Variants in PTPRO observed in about 807,000 individuals in gnomAD.
PTPRO encodes receptor-type tyrosine-protein phosphatase O.
In PTPRO, 62 loss-of-function variants were observed where a neutral mutation model predicts 145.2. The observed-to-expected ratio is 0.43, with a 90% CI of 0.35 to 0.53. The LOEUF (loss-of-function observed/expected upper bound fraction) is 0.53. PTPRO is among the 20% of genes least tolerant of loss of function. The probability of loss-of-function intolerance (pLI) is 0.01; values close to 1 mark genes in which losing one functional copy is unlikely to be tolerated. For missense variants in PTPRO, 1,345 were observed against 1,482.7 expected (o/e 0.91, Z 1.53); for synonymous variants, 565 against 514.7 (o/e 1.10, Z -1.32).
intron 1 of PTPRO, among the ~76,000 whole-genome samples, chr12:15,437,997 T>C (rs1591811399): frequency 6.6e-6 from 1 of 152,276 alleles, no homozygotes; most frequent in South Asian, 2.1e-4. Flanking sequence ...TAAATACAGA[T>C]ACCAGCCACT....
chr12:15,568,686 C>CA (rs35191451), intron 18 of PTPRO, among the ~76,000 whole-genome samples: 6,881 of 151,820 alleles, frequency 0.045, 496 homozygotes, highest in African/African-American at 0.15. Context: ...TTCTTATTCT[C>CA]AAAAAAAAGT....
intron 1 of PTPRO, among the ~76,000 whole-genome samples, chr12:15,386,078 A>G (rs1023209295): frequency 1.2e-4 from 19 of 152,106 alleles, no homozygotes; most frequent in African/African-American, 4.6e-4. Flanking sequence ...AGATCTTTCT[A>G]GCACCCAAAG....
intron 15 of PTPRO, among the ~76,000 whole-genome samples, chr12:15,551,938 T>A (rs761050313): frequency 5.3e-5 from 8 of 151,974 alleles, no homozygotes; most frequent in Non-Finnish European, 1.2e-4. Context: ...AGCCCATATA[T>A]GGAGATCCAT....
At chr12:15,446,902 G>T (rs1021979157) in intron 1 of PTPRO, among the ~76,000 whole-genome samples, 4 of 152,116 alleles carry the variant, frequency 2.6e-5, no homozygotes, top group Non-Finnish European at 4.4e-5. Flanking sequence ...AGCTGGCCAA[G>T]TTGCAATTCT....
intron 1 of PTPRO, among the ~76,000 whole-genome samples, chr12:15,384,116 A>ACTTC (rs1284326932): frequency 2.6e-5 from 4 of 151,998 alleles, no homozygotes; most frequent in Non-Finnish European, 5.9e-5. Context: ...GGCATGTAAG[A>ACTTC]CTTCCCTTCC....
intron 16 of PTPRO, among the ~76,000 whole-genome samples, chr12:15,559,222 A>T (rs1157219353): frequency 6.6e-6 from 1 of 152,238 alleles, no homozygotes; most frequent in African/African-American, 2.4e-5. Context: ...GAAGCAAAAA[A>T]GAATTCACTT....
At chr12:15,575,527 C>T (rs530993520) in intron 19 of PTPRO, among the ~76,000 whole-genome samples, 2 of 152,218 alleles carry the variant, frequency 1.3e-5, no homozygotes, top group African/African-American at 4.8e-5. Flanking sequence ...AACTATCACT[C>T]TATGGTGTTT....
At chr12:15,485,900 C>A (rs1941876001) in intron 2 of PTPRO, among the ~76,000 whole-genome samples, 1 of 152,056 alleles carries the variant, frequency 6.6e-6, no homozygotes, top group Non-Finnish European at 1.5e-5. Flanking sequence ...TTCACTGATT[C>A]CTTGAGGAAG....
At chr12:15,570,936 G>GA (rs1165220849) in intron 19 of PTPRO, among the ~76,000 whole-genome samples, 1 of 151,892 alleles carries the variant, frequency 6.6e-6, no homozygotes, top group African/African-American at 2.4e-5. Context: ...TGAATTGCAT[G>GA]AAAAAAAATT....
chr12:15,532,208 G>A (rs980245636), intron 12 of PTPRO, among the ~76,000 whole-genome samples: 1 of 152,078 alleles, frequency 6.6e-6, no homozygotes, highest in African/African-American at 2.4e-5. Flanking sequence ...AATATGTGAT[G>A]TGTTGATTAG....
In PTPRO at chr12:15,392,518, C is replaced by T. The variant is rs550866736; in HGVS notation, c.75+69717C>T. On this transcript the variant is annotated intron_variant, in intron 1 of 26. Coordinates refer to ENST00000281171, the MANE Select transcript of PTPRO (RefSeq NM_030667.3). ...GGTGGATGATTTGAGATGAAGAGTT[C>T]GAGACCAGACTGACCAATATGGTGA... Among the ~76,000 whole-genome samples, 7 of 151,682 alleles carry T rather than the reference C, an allele frequency of 4.6e-5. No homozygotes were observed. The East Asian group carries it at 9.8e-4, about 21-fold the overall frequency.
intron 1 of PTPRO, among the ~76,000 whole-genome samples, chr12:15,454,881 C>T (rs145645247): frequency 1.3e-5 from 2 of 152,086 alleles, no homozygotes; most frequent in Admixed American, 6.6e-5. Flanking sequence ...CATCTAGGAT[C>T]AATAAAACAT....
intron 12 of PTPRO, chr12:15,546,239 G>C: frequency 2.4e-6 from 2 of 835,294 alleles, no homozygotes; most frequent in Non-Finnish European, 3.0e-6. Context: ...TCTCATCCAG[G>C]AAGTTCTGTA....
intron 4 of PTPRO, among the ~76,000 whole-genome samples, chr12:15,500,083 G>GTGGA (rs1555169986): frequency 3.4e-3 from 511 of 150,036 alleles, no homozygotes; most frequent in African/African-American, 7.9e-3. Flanking sequence ...AGATGGATGG[G>GTGGA]TGGATGGATG....
chr12:15,397,552 G>A (rs541891706), intron 1 of PTPRO, among the ~76,000 whole-genome samples: 1 of 152,114 alleles, frequency 6.6e-6, no homozygotes, highest in Non-Finnish European at 1.5e-5. Flanking sequence ...GATTTCACAG[G>A]TTCATTTTAC....
At chr12:15,570,652 G>A (rs916060001) in intron 19 of PTPRO, among the ~76,000 whole-genome samples, 2 of 152,106 alleles carry the variant, frequency 1.3e-5, no homozygotes, top group Non-Finnish European at 2.9e-5. Flanking sequence ...AATTTGAATT[G>A]GAAATGAATG....
chr12:15,519,001 G>A (rs764346462), intron 9 of PTPRO, among the ~76,000 whole-genome samples: 8 of 152,026 alleles, frequency 5.3e-5, no homozygotes, highest in African/African-American at 1.2e-4. Context: ...CTCCACTCTC[G>A]GTACCAATTT....
intron 1 of PTPRO, among the ~76,000 whole-genome samples, chr12:15,327,248 T>C (rs1866470826): frequency 6.6e-6 from 1 of 152,230 alleles, no homozygotes; most frequent in South Asian, 2.1e-4. Flanking sequence ...TTCCCAGAAA[T>C]GTAATATTCT....
chr12:15,469,889 A>G (rs1941501471), intron 1 of PTPRO, among the ~76,000 whole-genome samples: 1 of 152,186 alleles, frequency 6.6e-6, no homozygotes, highest in Non-Finnish European at 1.5e-5. Context: ...TCTCCTAAAT[A>G]TCGGATCCTT....
Sources: gnomAD v4.1 joint callset for allele counts (sites outside exome capture counted in the v4.1 genomes callset) on GRCh38, gnomAD v4.1.1 for gene constraint, MANE v1.5 for transcripts, NCBI Gene and HGNC (gene_info 2026-07-23, HGNC 2026-07-21) for gene names.